Variants in CNBD1 observed in about 807,000 individuals in gnomAD.
CNBD1 encodes the protein cyclic nucleotide binding domain containing 1.
CNBD1 carries 71 observed loss-of-function variants against 54.4 expected under a neutral mutation model. The observed-to-expected ratio is 1.30, with a 90% CI of 1.08 to 1.59. The LOEUF (loss-of-function observed/expected upper bound fraction) is 1.59, where lower values mean the gene tolerates loss of function less well. Among genes scored for constraint, CNBD1 ranks in the 40% most tolerant of loss-of-function variants. CNBD1 has a pLI of 0.00. For synonymous variants in CNBD1, 182 were observed against 170.7 expected, an observed-to-expected ratio of 1.07 and a Z score of -0.51; for missense variants, 659 against 518.0, an observed-to-expected ratio of 1.27 and a Z score of -2.64.
chr8:87,108,566 A>C (rs1231536485), intron 4 of CNBD1, among the ~76,000 whole-genome samples: 2 of 152,220 alleles, frequency 1.3e-5, no homozygotes, highest in African/African-American at 4.8e-5. Context: ...ACCAACATTC[A>C]GGGAATTTGC....
chr8:87,178,261 G>A (rs1209765228), intron 4 of CNBD1, among the ~76,000 whole-genome samples: 1 of 152,138 alleles, frequency 6.6e-6, no homozygotes, highest in Non-Finnish European at 1.5e-5. Flanking sequence ...ATGAGTTCAG[G>A]GATGAGTCCT....
chr8:87,164,418 G>C, intron 4 of CNBD1, among the ~76,000 whole-genome samples: 1 of 151,612 alleles, frequency 6.6e-6, no homozygotes, highest in East Asian at 1.9e-4. Context: ...TTTGACCCTA[G>C]ATGTTTTTTC....
intron 4 of CNBD1, among the ~76,000 whole-genome samples, chr8:87,079,153 G>A (rs1329961601): frequency 1.3e-5 from 2 of 151,596 alleles, no homozygotes; most frequent in East Asian, 3.9e-4. Context: ...CACTCAGCAT[G>A]CAGATTTTAA....
intron 1 of CNBD1, among the ~76,000 whole-genome samples, chr8:86,882,524 T>C (rs1808620466): frequency 6.6e-6 from 1 of 152,032 alleles, no homozygotes; most frequent in South Asian, 2.1e-4. Flanking sequence ...AAATAACAGA[T>C]GCTGGTGAGG....
intron 4 of CNBD1, among the ~76,000 whole-genome samples, chr8:87,192,842 A>C (rs912701141): frequency 9.9e-5 from 15 of 152,102 alleles, no homozygotes; most frequent in African/African-American, 3.6e-4. Flanking sequence ...TTACACTCTA[A>C]GCTTTAGTTT....
intron 6 of CNBD1, among the ~76,000 whole-genome samples, chr8:87,249,841 C>G (rs574915886): frequency 6.6e-6 from 1 of 152,076 alleles, no homozygotes; most frequent in Admixed American, 6.6e-5. Flanking sequence ...AAAACAGGAC[C>G]CTTGAACTTA....
At chr8:87,088,863 T>C (rs1051978504) in intron 4 of CNBD1, among the ~76,000 whole-genome samples, 2 of 152,130 alleles carry the variant, frequency 1.3e-5, no homozygotes, top group Non-Finnish European at 2.9e-5. Context: ...AAAGAGAATC[T>C]CTATCTTTAA....
intron 2 of CNBD1, among the ~76,000 whole-genome samples, chr8:86,892,373 C>T (rs1808782292): frequency 6.6e-6 from 1 of 152,060 alleles, no homozygotes; most frequent in South Asian, 2.1e-4. Flanking sequence ...GTCAAGCATT[C>T]AGAATTTTCC....
chr8:87,310,071 C>T (rs904558459), intron 8 of CNBD1, among the ~76,000 whole-genome samples: 2 of 152,076 alleles, frequency 1.3e-5, no homozygotes, highest in South Asian at 4.1e-4. Flanking sequence ...GAATGCAATC[C>T]CAGACAGATA....
intron 6 of CNBD1, among the ~76,000 whole-genome samples, chr8:87,240,757 G>A (rs986491273): frequency 2.6e-5 from 4 of 152,164 alleles, no homozygotes; most frequent in African/African-American, 7.2e-5. Flanking sequence ...GTGATTGGAT[G>A]TCCAAATATA....
chr8:87,336,893 T>A (rs753503561), intron 8 of CNBD1, among the ~76,000 whole-genome samples: 1 of 152,154 alleles, frequency 6.6e-6, no homozygotes, highest in Non-Finnish European at 1.5e-5. Flanking sequence ...TGACTTTTTT[T>A]GTTGATGCTG....
At chr8:86,905,457 G>A (rs1324092778) in intron 3 of CNBD1, among the ~76,000 whole-genome samples, 2 of 152,068 alleles carry the variant, frequency 1.3e-5, no homozygotes, top group African/African-American at 2.4e-5. Context: ...CTAATGAACG[G>A]CAGTGTTTAT....
intron 10 of CNBD1, among the ~76,000 whole-genome samples, chr8:87,367,232 T>C (rs987726654): frequency 6.6e-6 from 1 of 152,070 alleles, no homozygotes; most frequent in African/African-American, 2.4e-5. Context: ...ATGTAGCTTG[T>C]TTGTCAACTG....
At position 87,183,478 on chromosome 8, in the gene CNBD1, C is replaced by T. The variant is rs919725651; in HGVS notation, c.432-22515C>T. Among the ~76,000 whole-genome samples, 3 of 146,172 alleles carry T rather than the reference C, an allele frequency of 2.1e-5. No homozygotes were observed. In the East Asian group the frequency reaches 6.4e-4, roughly 31 times the overall value. ...TCTTTGGATTGAGTTTCAGACTCCT[C>T]TTGTATCTCGATGAGTTTTCTTGCC... is the stretch of plus-strand genomic sequence containing the variant. On this transcript the variant is annotated intron_variant, in intron 4 of 10. Coordinates refer to ENST00000518476, the MANE Select transcript of CNBD1 (RefSeq NM_173538.3).
chr8:87,148,034 A>G (rs1812526151), intron 4 of CNBD1, among the ~76,000 whole-genome samples: 1 of 152,148 alleles, frequency 6.6e-6, no homozygotes, highest in South Asian at 2.1e-4. Context: ...AGTTTTTTAA[A>G]AAGTGTATGT....
chr8:87,240,540 T>C (rs1029752673), intron 6 of CNBD1, among the ~76,000 whole-genome samples: 7 of 152,190 alleles, frequency 4.6e-5, no homozygotes, highest in African/African-American at 1.7e-4. Context: ...CCTGTCTTTA[T>C]ATCAAATTTT....
chr8:87,037,840 A>G (rs1340690500), intron 4 of CNBD1, among the ~76,000 whole-genome samples: 2 of 152,188 alleles, frequency 1.3e-5, no homozygotes, highest in Non-Finnish European at 1.5e-5. Flanking sequence ...TGATGTCTTC[A>G]TATTTAAGAG....
chr8:87,415,092 T>A (rs987266674), intron 2 of CNBD1, among the ~76,000 whole-genome samples: 1 of 152,082 alleles, frequency 6.6e-6, no homozygotes, highest in Non-Finnish European at 1.5e-5. Context: ...CATTGCTGTA[T>A]CACAAGGATC....
chr8:87,399,031 C>G (rs1305425281), intron 2 of CNBD1, among the ~76,000 whole-genome samples: 1 of 152,020 alleles, frequency 6.6e-6, no homozygotes, highest in Non-Finnish European at 1.5e-5. Context: ...CCCCACGCAA[C>G]TCCTAGAGAT....
Sources: gnomAD v4.1 joint callset for allele counts (sites outside exome capture counted in the v4.1 genomes callset) on GRCh38, gnomAD v4.1.1 for gene constraint, MANE v1.5 for transcripts, NCBI Gene and HGNC (gene_info 2026-07-23, HGNC 2026-07-21) for gene names.